Variants in TMOD3 observed in about 807,000 individuals in gnomAD.
The protein encoded by TMOD3 is tropomodulin 3.
Under a neutral mutation model 39.2 loss-of-function variants are expected in TMOD3, and 20 were observed. The observed-to-expected ratio is 0.51, with a 90% CI of 0.36 to 0.74. TMOD3 has a LOEUF of 0.74. Ranked by LOEUF, TMOD3 falls within the 30% of genes least tolerant of loss-of-function variation. The pLI is 0.00. For missense variants in TMOD3, 381 were observed against 412.8 expected, an observed-to-expected ratio of 0.92 and a Z score of 0.67; for synonymous variants, 143 against 145.8, an observed-to-expected ratio of 0.98 and a Z score of 0.14.
intron 3 of TMOD3, among the ~76,000 whole-genome samples, chr15:51,869,814 A>G (rs2056465962): frequency 6.6e-6 from 1 of 152,196 alleles, no homozygotes; most frequent in African/African-American, 2.4e-5. Context: ...ATTCATGGTT[A>G]TGATTGCTAA....
chr15:51,880,359 T>TATCAATTTA (rs1595903317), intron 3 of TMOD3, among the ~76,000 whole-genome samples: 1 of 152,236 alleles, frequency 6.6e-6, no homozygotes. Flanking sequence ...TCATAAAATT[T>TATCAATTTA]ATCAATTTAA....
chr15:51,880,301 G>A (rs2056526412), intron 3 of TMOD3, among the ~76,000 whole-genome samples: 1 of 152,084 alleles, frequency 6.6e-6, no homozygotes, highest in African/African-American at 2.4e-5. Context: ...CAGCTCCTTA[G>A]TGGTTTTTGT....
At chr15:51,887,866 C>A in intron 4 of TMOD3, 155 bp downstream of exon 4, 1 of 866,136 alleles carries the variant, frequency 1.2e-6, no homozygotes, top group South Asian at 1.9e-5. Context: ...CACGGTAAAG[C>A]TGACGTAAAG....
chr15:51,907,142 AT>A (rs2056686012), intron 9 of TMOD3: 3 of 151,886 alleles, frequency 2.0e-5, no homozygotes, highest in Admixed American at 1.3e-4. Context: ...TTTTTTCTTA[AT>A]ACTTCAGTGA....
At chr15:51,885,864 G>T (rs1409978860) in intron 3 of TMOD3, among the ~76,000 whole-genome samples, 2 of 151,070 alleles carry the variant, frequency 1.3e-5, no homozygotes, top group African/African-American at 4.9e-5. Flanking sequence ...AGACGGGGCG[G>T]CCGGGCAGAG....
chr15:51,839,643 C>T (rs186435626), intron 1 of TMOD3, among the ~76,000 whole-genome samples: 69 of 152,144 alleles, frequency 4.5e-4, no homozygotes, highest in African/African-American at 1.6e-3. Flanking sequence ...AACTCCTGAG[C>T]TCAAACAATC....
chr15:51,850,264 CT>C (rs537020543), intron 1 of TMOD3, among the ~76,000 whole-genome samples: 38 of 152,174 alleles, frequency 2.5e-4, no homozygotes, highest in Middle Eastern at 6.8e-3. Flanking sequence ...GATAATTGTG[CT>C]CTTGTATAAA....
chr15:51,893,251 T>C (rs12438469), intron 5 of TMOD3, among the ~76,000 whole-genome samples: 2,111 of 129,746 alleles, frequency 0.016, 80 homozygotes, highest in Admixed American at 0.096. Context: ...GCCAAGATCT[T>C]GCTACTGCAC....
intron 1 of TMOD3, among the ~76,000 whole-genome samples, chr15:51,858,817 T>C (rs1031674791): frequency 9.9e-5 from 15 of 152,164 alleles, no homozygotes; most frequent in Non-Finnish European, 1.5e-4. Flanking sequence ...TTAGGACTTA[T>C]GGTAGGTCTG....
Position 51,915,519 on chromosome 15 carries a change from C to T in TMOD3, c.*6709C>T, listed in dbSNP as rs1309514787. Reference sequence around the variant, plus strand: ...CGTTTTTTTCTAATGCTAAAATATCCAACATTGTAATTGCCCTATTTTTCC... The same window carrying T: ...CGTTTTTTTCTAATGCTAAAATATCTAACATTGTAATTGCCCTATTTTTCC... On this transcript the variant is annotated 3_prime_UTR_variant, in exon 10 of 10. Transcript: ENST00000308580. 2.6e-5 allele frequency: 4 copies of T among 151,804 alleles called. No individual in the cohort carries two copies. Among genetic ancestry groups the T allele is most frequent in the Non-Finnish European group, 5.9e-5 (4 of 67,966 alleles). The allele number at this position is 151,804 out of a possible 1,614,324, so 9.4% of individuals were successfully genotyped here.
At chr15:51,891,795 G>C (rs1331067058) in intron 5 of TMOD3, among the ~76,000 whole-genome samples, 6 of 152,152 alleles carry the variant, frequency 3.9e-5, no homozygotes, top group Admixed American at 3.9e-4. Flanking sequence ...ACTTAAGTGA[G>C]AGGGATCCCA....
In TMOD3 at chr15:51,908,871, C is replaced by A; in HGVS notation, c.*61C>A. ...GATCACCAAGGGCTCATGTTGGTGA[C>A]ATCATGTAAAATTTTCCTGGGTAGA... On this transcript the variant is annotated 3_prime_UTR_variant, in exon 10 of 10. Transcript: ENST00000308580. 2 of 1,429,378 alleles carry A rather than the reference C, an allele frequency of 1.4e-6. No individual in the cohort carries two copies. Among genetic ancestry groups the A allele is most frequent in the Non-Finnish European group, 1.9e-6 (2 of 1,058,966 alleles). The allele number at this position is 1,429,378 out of a possible 1,614,324, so 88.5% of individuals were successfully genotyped here.
At chr15:51,889,592 G>T (rs902083516) in intron 5 of TMOD3, among the ~76,000 whole-genome samples, 1 of 152,174 alleles carries the variant, frequency 6.6e-6, no homozygotes, top group South Asian at 2.1e-4. Flanking sequence ...ATTTATAGGG[G>T]CCAGGTGTGG....
At chr15:51,844,706 G>T (rs1418836218) in intron 1 of TMOD3, among the ~76,000 whole-genome samples, 1 of 152,058 alleles carries the variant, frequency 6.6e-6, no homozygotes, top group African/African-American at 2.4e-5. Flanking sequence ...AATCTTTTTT[G>T]CATTAATTCC....
At chr15:51,848,997 A>T (rs561281256) in intron 1 of TMOD3, among the ~76,000 whole-genome samples, 28 of 152,316 alleles carry the variant, frequency 1.8e-4, no homozygotes, top group Admixed American at 1.2e-3. Flanking sequence ...TGGCACTCAG[A>T]GGAGTGTTTA....
At chr15:51,836,992 A>G (rs1183473500) in intron 1 of TMOD3, among the ~76,000 whole-genome samples, 2 of 152,182 alleles carry the variant, frequency 1.3e-5, no homozygotes, top group Admixed American at 1.3e-4. Flanking sequence ...AAGTACATAC[A>G]AGTGAACACA....
chr15:51,893,978 CT>C, intron 6 of TMOD3, 33 bp downstream of exon 6: 1 of 1,505,840 alleles, frequency 6.6e-7, no homozygotes. Flanking sequence ...TTTTGTATTG[CT>C]TTGAGTTAGT....
At chr15:51,843,881 C>T (rs1375594433) in intron 1 of TMOD3, among the ~76,000 whole-genome samples, 1 of 108,914 alleles carries the variant, frequency 9.2e-6, no homozygotes, top group Middle Eastern at 4.1e-3. Flanking sequence ...CTATTGGTTT[C>T]GCAGATTGCT....
intron 6 of TMOD3, 48 bp from the exon 7 acceptor site, chr15:51,896,371 A>G (rs1041929089): frequency 8.2e-6 from 11 of 1,339,104 alleles, no homozygotes; most frequent in Non-Finnish European, 1.1e-5. Context: ...GAAACTAAAT[A>G]TAATGAAAAT....
Sources: allele counts gnomAD v4.1 joint callset (sites outside exome capture counted in the v4.1 genomes callset), GRCh38; gene constraint gnomAD v4.1.1; transcripts MANE v1.5; gene names NCBI Gene and HGNC (gene_info 2026-07-23, HGNC 2026-07-21).